Variants in SCAP observed in about 807,000 individuals in gnomAD.
SCAP encodes the protein SREBF chaperone.
Under a neutral mutation model 123.6 loss-of-function variants are expected in SCAP, and 65 were observed. That is an observed-to-expected ratio of 0.53 (90% confidence interval 0.43 to 0.65). The LOEUF is 0.65. Among genes scored for constraint, SCAP ranks in the 30% least tolerant of loss-of-function variants. The probability of loss-of-function intolerance (pLI) is 0.00; values close to 1 mark genes in which losing one functional copy is unlikely to be tolerated. For synonymous variants in SCAP, 740 were observed against 726.3 expected, an observed-to-expected ratio of 1.02 and a Z score of -0.30; for missense variants, 1,398 against 1,712.5, an observed-to-expected ratio of 0.82 and a Z score of 3.24.
At chr3:47,427,367 G>T (rs2107824779) in intron 5 of SCAP, 80 bp downstream of exon 5, 1 of 1,558,770 alleles carries the variant, frequency 6.4e-7, no homozygotes, top group East Asian at 2.2e-5. Context: ...GGTAAACCCT[G>T]ATCTGCCTAA....
chr3:47,445,594 C>A (rs1379590964), intron 1 of SCAP, among the ~76,000 whole-genome samples: 1 of 147,680 alleles, frequency 6.8e-6, no homozygotes. Context: ...TTTTTTGAAA[C>A]GGAATCTTGC....
rs1390720782 is a variant in SCAP, at chr3:47,419,761, T to G, written c.1564-57A>C. On this transcript the variant is annotated intron_variant, in intron 12 of 22. Transcript: ENST00000265565. The surrounding 1 kb of genome is among the most constrained non-coding windows in gnomAD (Gnocchi z 5.0). ...GAATGGGCCCCAACCCCCAGCAGCT[T>G]CAGCCCTCATGCTGAGAGGAAGCAG... is the stretch of plus-strand genomic sequence containing the variant. 6.7e-7 allele frequency: 1 copy of G among 1,500,816 alleles called. No homozygotes were observed. The highest frequency in any genetic ancestry group is 1.4e-5 in the African/African-American group (1 of 71,284). The allele number at this position is 1,500,816 out of a possible 1,614,324, so 93.0% of individuals were successfully genotyped here.
At chr3:47,470,840 C>T (rs763163983) in intron 1 of SCAP, among the ~76,000 whole-genome samples, 3 of 152,024 alleles carry the variant, frequency 2.0e-5, no homozygotes, top group African/African-American at 4.8e-5. Flanking sequence ...CCAGCCTGGG[C>T]GACAAGAGCA....
chr3:47,444,592 G>A (rs1400755826), intron 1 of SCAP, among the ~76,000 whole-genome samples: 1 of 151,944 alleles, frequency 6.6e-6, no homozygotes, highest in African/African-American at 2.4e-5. Context: ...CTCCCACCTA[G>A]TTTTCCAAGT....
intron 1 of SCAP, among the ~76,000 whole-genome samples, chr3:47,475,152 C>A (rs148420487): frequency 6.6e-6 from 1 of 152,026 alleles, no homozygotes; most frequent in East Asian, 1.9e-4. Context: ...GCCCCCACAG[C>A]GACTCACTGC....
At chr3:47,424,573 C>T (rs537474874) in intron 8 of SCAP, among the ~76,000 whole-genome samples, 1 of 152,192 alleles carries the variant, frequency 6.6e-6, no homozygotes, top group African/African-American at 2.4e-5. Flanking sequence ...CCACACTCCC[C>T]GCAGCAAACC....
At chr3:47,445,725 C>G (rs1490624928) in intron 1 of SCAP, among the ~76,000 whole-genome samples, 1 of 151,658 alleles carries the variant, frequency 6.6e-6, no homozygotes, top group Non-Finnish European at 1.5e-5. Context: ...GTGCACACCA[C>G]CACACTTGGC....
chr3:47,426,547 C>T (rs865788650), intron 6 of SCAP, among the ~76,000 whole-genome samples: 1 of 152,334 alleles, frequency 6.6e-6, no homozygotes, highest in Middle Eastern at 3.4e-3. Flanking sequence ...ACACCATCCT[C>T]CTGCCTCAGC....
At chr3:47,473,298 A>G (rs1708141239) in intron 1 of SCAP, among the ~76,000 whole-genome samples, 1 of 152,056 alleles carries the variant, frequency 6.6e-6, no homozygotes, top group African/African-American at 2.4e-5. Context: ...AAGTGAGATA[A>G]GCTAATATTA....
chr3:47,437,859 C>T (rs534018496), intron 2 of SCAP, among the ~76,000 whole-genome samples: 11 of 152,228 alleles, frequency 7.2e-5, no homozygotes, highest in East Asian at 5.8e-4. Flanking sequence ...TTATTTCTGT[C>T]GGGTATATTC....
At chr3:47,452,102 A>G (rs1707248430) in intron 1 of SCAP, among the ~76,000 whole-genome samples, 1 of 152,142 alleles carries the variant, frequency 6.6e-6, no homozygotes, top group Non-Finnish European at 1.5e-5. Flanking sequence ...TTCCTTACAG[A>G]GCCTATTTCT....
At chr3:47,434,120 T>G (rs530274478) in intron 3 of SCAP, among the ~76,000 whole-genome samples, 1 of 152,298 alleles carries the variant, frequency 6.6e-6, no homozygotes, top group East Asian at 1.9e-4. Flanking sequence ...CAGATATGCC[T>G]CTATTTCAGC....
Position 47,414,859 on chromosome 3 carries a change from A to G in SCAP, c.3274T>C (p.Leu1092=). ...GTGTGGTCTTGGCTCCCAGTCACCA[A>G]GCGCCCAGCAGCGGCTTTCAGGGCT... is the stretch of plus-strand genomic sequence containing the variant. ...ITALKAAAGR[L]VTGSQDHTLR... is the part of the protein sequence containing the mutation. The change falls in exon 20 of 23, where the codon TTG becomes CTG. Residue 1092 remains leucine (L), a synonymous_variant. Coordinates refer to ENST00000265565, the MANE Select transcript of SCAP (RefSeq NM_012235.4). 1 of 1,610,636 alleles carries G rather than the reference A, an allele frequency of 6.2e-7. No homozygotes were observed. Among genetic ancestry groups the G allele is most frequent in the East Asian group, 2.2e-5 (1 of 44,868 alleles).
chr3:47,423,981 C>G lies in SCAP; in HGVS notation c.1102G>C (p.Val368Leu). The G allele has an allele frequency of 6.2e-7, 1 of 1,614,248 alleles. No homozygotes were observed. Among genetic ancestry groups the G allele is most frequent in the Non-Finnish European group, 8.5e-7 (1 of 1,180,042 alleles). Residue 368 changes from valine to leucine, a missense_variant, in exon 9 of 23, where the codon GTG becomes CTG. Coordinates refer to ENST00000265565, the MANE Select transcript of SCAP (RefSeq NM_012235.4). ...LENVLVLTKS[V>L]VSTPVDLEVK... ...TCCAGGTCTACCGGGGTTGAGACCA[C>G]AGACTTGGTGAGCACCAACACATTC...
intron 2 of SCAP, among the ~76,000 whole-genome samples, chr3:47,437,522 C>A (rs1706629854): frequency 6.7e-6 from 1 of 150,124 alleles, no homozygotes; most frequent in African/African-American, 2.4e-5. Context: ...AGAAGGATTT[C>A]TTGAGCCCAG....
chr3:47,450,646 C>T lies in SCAP; in HGVS notation c.-98-7555G>A, dbSNP rs1296790179. On this transcript the variant is annotated intron_variant, in intron 1 of 22. Transcript: ENST00000265565. ...TCCCACTTTAGCCTGCCTATAGGCA[C>T]GTACCACCATGAGAGATAATTTTTG... Among the ~76,000 whole-genome samples, 4 of 117,984 alleles carry T rather than the reference C, an allele frequency of 3.4e-5. 1 individual carries two copies. Among genetic ancestry groups the T allele is most frequent in the East Asian group, 3.1e-4 (1 of 3,214 alleles). 77.4% of individuals were successfully genotyped at this position (117,984 alleles called of 152,430 possible). A position where few individuals can be genotyped will look rare whatever the true frequency, so the allele number is the denominator to read the frequency against.
Position 47,428,564 on chromosome 3 carries a change from G to A in SCAP, c.359C>T (p.Ser120Phe), listed in dbSNP as rs758865980. The A allele has an allele frequency of 2.0e-5, 33 of 1,614,182 alleles. No homozygotes were observed. The highest frequency in any genetic ancestry group is 2.8e-5 in the Non-Finnish European group (33 of 1,180,024). The part of the protein sequence containing the change: ...LAVDVFRSPL[S>F]RAFQLVEEIR... ...CTCCTCCACCAGTTGGAATGCCCGG[G>A]ACAAAGGTGAACGAAATACATCTAC... The change falls in exon 4 of 23, where the codon TCC becomes TTC. Residue 120 changes from serine (S) to phenylalanine (F), a missense_variant. Coordinates refer to ENST00000265565, the MANE Select transcript of SCAP (RefSeq NM_012235.4).
In SCAP at chr3:47,420,718, G is replaced by C. The variant is rs764200831; in HGVS notation, c.1399C>G (p.Pro467Ala). 1.9e-6 allele frequency: 3 copies of C among 1,611,344 alleles called. No homozygotes were observed. In the Admixed American group the frequency reaches 5.0e-5, roughly 27 times the overall value. Residue 467 changes from proline to alanine, a missense_variant, in exon 12 of 23, where the codon CCA (proline) becomes GCA (alanine). Physicochemically the swap from Pro to Ala is conservative, Grantham distance 27 (BLOSUM62 -1). Coordinates refer to ENST00000265565, the MANE Select transcript of SCAP (RefSeq NM_012235.4). The surrounding 1 kb of genome is among the most constrained non-coding windows in gnomAD (Gnocchi z 5.0). ...TCGTAGCGCGTTGGCTGTCCCACTG[G>C]CTTGGCTGAGGGCAGGCAGGCCTCA... is the stretch of plus-strand genomic sequence containing the variant. ...PPEACLPSAK[P>A]VGQPTRYERQ...
intron 1 of SCAP, chr3:47,475,321 T>C (rs1244578695): frequency 6.6e-6 from 1 of 152,124 alleles, no homozygotes; most frequent in African/African-American, 2.4e-5. Flanking sequence ...GTGAGCAAAG[T>C]TGAGGTTTAA....
Sources: gnomAD v4.1 joint callset for allele counts (sites outside exome capture counted in the v4.1 genomes callset) on GRCh38, gnomAD v4.1.1 for gene constraint, Gnocchi (gnomAD v3.1) non-coding constraint, MANE v1.5 for transcripts, NCBI Gene and HGNC (gene_info 2026-07-23, HGNC 2026-07-21) for gene names.